The following MTHFD1 variants were observed in gnomAD, a reference collection of about 807,000 sequenced individuals.
MTHFD1 encodes C-1-tetrahydrofolate synthase, cytoplasmic.
A neutral mutation model predicts 110.3 loss-of-function variants in MTHFD1; 44 were observed. The ratio of observed to expected loss-of-function variants is 0.40; its 90% CI spans 0.31 to 0.51. The LOEUF (loss-of-function observed/expected upper bound fraction) is 0.51, where lower values mean the gene tolerates loss of function less well. MTHFD1 is among the 20% of genes least tolerant of loss of function. MTHFD1 has a pLI of 0.60. For synonymous variants in MTHFD1, 402 were observed against 428.8 expected (o/e 0.94, Z 0.77); for missense variants, 909 against 1,173.1 (o/e 0.77, Z 3.29).
Position 64,388,459 on chromosome 14 carries a change from A to C in MTHFD1, c.32A>C (p.Glu11Ala), listed in dbSNP as rs2077780602. The C allele has an allele frequency of 6.2e-7, 1 of 1,613,742 alleles. No homozygotes were observed. The highest frequency in any genetic ancestry group is 1.3e-5 in the African/African-American group (1 of 74,912). Residue 11 changes from glutamate to alanine, a missense_variant, in exon 1 of 28, where the codon GAG becomes GCG. By Grantham distance (107) the Glu-to-Ala change is moderately radical. This residue lies in a region of MTHFD1 where 424 missense variants were observed against 510.4 expected (regional missense o/e 0.83). Transcript: ENST00000652337. MAPAEILNGK[E>A]ISAQIRARLK... ...CCAGCAGAAATCCTGAACGGGAAGG[A>C]GATCTCCGCGTAAGCACCTGACATT...
In MTHFD1 at chr14:64,435,602, C is replaced by T. The variant is rs891033804; in HGVS notation, c.1528C>T (p.Leu510=). The change falls in exon 16 of 28, where the codon CTG becomes TTG. Residue 510 remains leucine, a synonymous_variant. Transcript: ENST00000652337. ...LGIEKTDPTT[L]TDEEINRFAR... ...CATTGAAAAGACTGACCCTACCACA[C>T]TGACAGATGAAGAGATAAACAGATT... 2 of 1,611,360 alleles carry T rather than the reference C, an allele frequency of 1.2e-6. No homozygotes were observed. The highest frequency in any genetic ancestry group is 2.7e-5 in the African/African-American group (2 of 74,870).
chr14:64,419,670 A>G (rs1320619899), intron 7 of MTHFD1, 144 bp from the exon 8 acceptor site: 9 of 694,128 alleles, frequency 1.3e-5, no homozygotes, highest in Non-Finnish European at 2.1e-5. Context: ...CTTACATTTG[A>G]GGCCTTAACC....
At position 64,444,021 on chromosome 14, in the gene MTHFD1, T is replaced by G. The variant is rs575952554; in HGVS notation, c.2137-672T>G. ...CTTCTTAATCACTATCCACTGCCCA[T>G]GGTGGGGCCCATGAAATGGACACCT... On this transcript the variant is annotated intron_variant, in intron 21 of 27. Transcript: ENST00000652337. Among the ~76,000 whole-genome samples the G allele has an allele frequency of 2.0e-3, 293 of 147,394 alleles. 2 individuals carry two copies. The highest frequency in any genetic ancestry group is 3.3e-3 in the Non-Finnish European group (224 of 66,934).
chr14:64,458,642 G>A (rs1481200952), intron 27 of MTHFD1: 1 of 383,710 alleles, frequency 2.6e-6, no homozygotes, highest in Admixed American at 3.7e-5. Context: ...GGGGTTCAGA[G>A]TTGATGACAC....
chr14:64,431,872 T>C lies in MTHFD1; in HGVS notation c.1494+11T>C, dbSNP rs377031747. The C allele has an allele frequency of 6.2e-7, 1 of 1,611,292 alleles. No individual in the cohort carries two copies. Among genetic ancestry groups the C allele is most frequent in the Non-Finnish European group, 8.5e-7 (1 of 1,177,364 alleles). On this transcript the variant is annotated intron_variant, in intron 15 of 27. Coordinates refer to ENST00000652337, the MANE Select transcript of MTHFD1 (RefSeq NM_005956.4). ...ATCCGAAGGTTAAAGGTAAGCTTTT[T>C]TTCTTCCACATTTTTTATATTGTAT...
At chr14:64,407,236 C>T (rs549577409) in intron 2 of MTHFD1, among the ~76,000 whole-genome samples, 25 of 152,078 alleles carry the variant, frequency 1.6e-4, no homozygotes, top group South Asian at 6.2e-4. Flanking sequence ...GAGGCCAAGG[C>T]GAGTGGATTG....
At chr14:64,416,105 C>T (rs2078023823) in intron 6 of MTHFD1, among the ~76,000 whole-genome samples, 1 of 152,010 alleles carries the variant, frequency 6.6e-6, no homozygotes. Flanking sequence ...ATTATCCAGG[C>T]AGGGTGGCAT....
At chr14:64,389,824 T>C (rs2077790540) in intron 1 of MTHFD1, among the ~76,000 whole-genome samples, 1 of 152,254 alleles carries the variant, frequency 6.6e-6, no homozygotes, top group Non-Finnish European at 1.5e-5. Context: ...TCAAACTTAC[T>C]TCCTTTTCCA....
rs779124107 is a variant in MTHFD1 at position 64,444,676 on chromosome 14, G to C, written c.2137-17G>C. ...TTAAATAGGAAATGCCTCTGACTCT[G>C]TTTCTTTTCCTTCCAGGTCACTGCT... On this transcript the variant is annotated splice_polypyrimidine_tract_variant and intron_variant, in intron 21 of 27. Coordinates refer to ENST00000652337, the MANE Select transcript of MTHFD1 (RefSeq NM_005956.4). 22 of 1,613,434 alleles carry C rather than the reference G, an allele frequency of 1.4e-5. No homozygotes were observed. The highest frequency in any genetic ancestry group is 1.9e-5 in the Non-Finnish European group (22 of 1,179,934).
At chr14:64,410,400 G>T (rs2077973211) in intron 2 of MTHFD1, among the ~76,000 whole-genome samples, 1 of 36,080 alleles carries the variant, frequency 2.8e-5, no homozygotes, top group African/African-American at 1.1e-4. Flanking sequence ...CTAATTTTTT[G>T]TAAAGATGGG....
chr14:64,451,170 A>C (rs962381672), intron 24 of MTHFD1, among the ~76,000 whole-genome samples: 6 of 152,072 alleles, frequency 3.9e-5, no homozygotes, highest in African/African-American at 1.4e-4. Flanking sequence ...GTCTCAAAAA[A>C]AAAATTTTGT....
rs200488609 is a variant in MTHFD1, at chr14:64,400,886, A to G, written c.126+9A>G. On this transcript the variant is annotated intron_variant, in intron 2 of 27. Coordinates refer to ENST00000652337, the MANE Select transcript of MTHFD1 (RefSeq NM_005956.4). ...GCCTGGCAATATTACAGGTATTATG[A>G]TAGTGTATTTTCATTAATGTTGTCT... The G allele has an allele frequency of 1.3e-6, 2 of 1,578,860 alleles. No homozygotes were observed. The highest frequency in any genetic ancestry group is 1.7e-4 in the Middle Eastern group (1 of 5,996).
intron 1 of MTHFD1, among the ~76,000 whole-genome samples, chr14:64,389,949 C>T (rs906426335): frequency 5.3e-5 from 8 of 152,132 alleles, no homozygotes; most frequent in Admixed American, 4.6e-4. Flanking sequence ...GCATCTGGGC[C>T]AGTACTGAGA....
At chr14:64,430,104 A>T in intron 12 of MTHFD1, 80 bp from the exon 13 acceptor site, 1 of 1,173,938 alleles carries the variant, frequency 8.5e-7, no homozygotes, top group Non-Finnish European at 1.3e-6. Flanking sequence ...TAGTTACAAT[A>T]ATGCATTTGC....
chr14:64,450,183 C>G (rs61212101), intron 24 of MTHFD1, among the ~76,000 whole-genome samples: 4,399 of 152,300 alleles, frequency 0.029, 194 homozygotes, highest in African/African-American at 0.1. Flanking sequence ...TTGCTCATAT[C>G]CTAACTTCGA....
intron 16 of MTHFD1, 105 bp from the exon 17 acceptor site, chr14:64,438,991 T>TAAA (rs2078227492): frequency 1.2e-6 from 1 of 816,658 alleles, no homozygotes; most frequent in Admixed American, 1.9e-5. Context: ...GAAATATTGA[T>TAAA]AGACAATCAT....
At chr14:64,429,217 A>T (rs1429714104) in intron 12 of MTHFD1, among the ~76,000 whole-genome samples, 1 of 130,512 alleles carries the variant, frequency 7.7e-6, no homozygotes, top group Non-Finnish European at 1.6e-5. Context: ...ATCCCAGACC[A>T]TTACCCTCCA....
At chr14:64,431,714 C>T (rs1032281258) in intron 14 of MTHFD1, 73 bp from the exon 15 acceptor site, 1 of 1,593,790 alleles carries the variant, frequency 6.3e-7, no homozygotes, top group Non-Finnish European at 8.6e-7. Flanking sequence ...GTGTTGGTGT[C>T]TTGGGTGCTG....
chr14:64,451,013 C>G (rs1344408942), intron 24 of MTHFD1, among the ~76,000 whole-genome samples: 2 of 151,948 alleles, frequency 1.3e-5, no homozygotes, highest in Admixed American at 1.3e-4. Flanking sequence ...ACTAAAAATA[C>G]AAAAAATTAG....
Sources: gnomAD v4.1 joint callset for allele counts (sites outside exome capture counted in the v4.1 genomes callset) on GRCh38, gnomAD v4.1.1 for gene constraint, gnomAD v4.1.1 regional missense constraint, MANE v1.5 for transcripts, NCBI Gene and HGNC (gene_info 2026-07-23, HGNC 2026-07-21) for gene names.